The following SLC25A12 variants were observed in gnomAD, a reference collection of about 807,000 sequenced individuals.
SLC25A12 encodes electrogenic aspartate/glutamate antiporter SLC25A12, mitochondrial.
A neutral mutation model predicts 83.3 loss-of-function variants in SLC25A12; 32 were observed. The observed-to-expected ratio is 0.38, with a 90% CI of 0.29 to 0.52. The LOEUF (loss-of-function observed/expected upper bound fraction) is 0.52, where lower values mean the gene tolerates loss of function less well. Among genes scored for constraint, SLC25A12 ranks in the 20% least tolerant of loss-of-function variants. The probability of loss-of-function intolerance (pLI) is 0.84; values close to 1 mark genes in which losing one functional copy is unlikely to be tolerated. For missense variants in SLC25A12, 611 were observed against 835.6 expected (o/e 0.73, Z 3.31); for synonymous variants, 267 against 291.1 (o/e 0.92, Z 0.84).
At chr2:171,814,425 T>A (rs910711020) in intron 10 of SLC25A12, among the ~76,000 whole-genome samples, 1 of 151,562 alleles carries the variant, frequency 6.6e-6, no homozygotes, top group Non-Finnish European at 1.5e-5. Context: ...CAAAACTGGG[T>A]CACTTTGAGA....
intron 13 of SLC25A12, among the ~76,000 whole-genome samples, chr2:171,804,582 G>A (rs1028857266): frequency 6.6e-6 from 1 of 152,122 alleles, no homozygotes; most frequent in African/African-American, 2.4e-5. Flanking sequence ...AAAATATTCA[G>A]AATTGGTGAA....
chr2:171,838,864 T>C (rs562343971), intron 5 of SLC25A12, among the ~76,000 whole-genome samples: 81 of 152,282 alleles, frequency 5.3e-4, no homozygotes, highest in Middle Eastern at 3.4e-3. Flanking sequence ...GTGGTAATTA[T>C]TGAAGCTGGT....
At chr2:171,822,828 A>G (rs1394392842) in intron 9 of SLC25A12, among the ~76,000 whole-genome samples, 3 of 152,218 alleles carry the variant, frequency 2.0e-5, no homozygotes, top group Non-Finnish European at 4.4e-5. Context: ...TTTCATAACA[A>G]CTTTCATAAG....
intron 15 of SLC25A12, chr2:171,788,300 A>G: frequency 4.3e-6 from 1 of 235,098 alleles, no homozygotes; most frequent in Non-Finnish European, 8.5e-6. Flanking sequence ...TAAATAAGAT[A>G]CAAGTATTTT....
chr2:171,785,259 T>A lies in SLC25A12; in HGVS notation c.*15A>T. 6.2e-7 allele frequency: 1 copy of A among 1,613,812 alleles called. No homozygotes were observed. Among genetic ancestry groups the A allele is most frequent in the African/African-American group, 1.3e-5 (1 of 75,054 alleles). ...TCTTCAAGGCGCCATTTTGCCACAC[T>A]CAACAGTTGTCTCATCACTGAGTGG... On this transcript the variant is annotated 3_prime_UTR_variant, in exon 18 of 18. Coordinates refer to ENST00000422440, the MANE Select transcript of SLC25A12 (RefSeq NM_003705.5).
At chr2:171,791,299 C>T in intron 15 of SLC25A12, 152 bp downstream of exon 15, 6 of 734,964 alleles carry the variant, frequency 8.2e-6, no homozygotes, top group Admixed American at 4.3e-5. Flanking sequence ...ATCAGAATTA[C>T]AGCACATCCC....
rs775466306 is a variant in SLC25A12 at position 171,787,848 on chromosome 2, T to A, written c.1685A>T (p.Asp562Val). 3 of 1,614,182 alleles carry A rather than the reference T, an allele frequency of 1.9e-6. No individual in the cohort carries two copies. The highest frequency in any genetic ancestry group is 2.5e-6 in the Non-Finnish European group (3 of 1,180,034). The change falls in exon 16 of 18, where the codon GAC becomes GTC. Residue 562 changes from aspartate to valine, a missense_variant. Coordinates refer to ENST00000422440, the MANE Select transcript of SLC25A12 (RefSeq NM_003705.5). ...TTCCCGGAGAATCTTCCTGAAACAG[T>A]CGATGACACCACTGTATGTCGTCTG... is the stretch of plus-strand genomic sequence containing the variant. ...AGQTTYSGVI[D>V]CFRKILREEG...
Position 171,831,055 on chromosome 2 carries a change from G to A in SLC25A12, c.845+2908C>T, listed in dbSNP as rs143544416. ...CATCAGTGACTGAGCAGCGAGCTGC[G>A]TAGCCTAGCTCTATGTGAACGTGAA... On this transcript the variant is annotated intron_variant, in intron 8 of 17. Coordinates refer to ENST00000422440, the MANE Select transcript of SLC25A12 (RefSeq NM_003705.5). 1.7e-4 allele frequency among the ~76,000 whole-genome samples: 26 copies of A among 152,360 alleles called. No individual in the cohort carries two copies. In the East Asian group the frequency reaches 2.3e-3, roughly 14 times the overall value.
chr2:171,832,222 A>G (rs1038725858), intron 8 of SLC25A12, among the ~76,000 whole-genome samples: 11 of 152,086 alleles, frequency 7.2e-5, no homozygotes, highest in African/African-American at 2.7e-4. Context: ...TGAGACATCT[A>G]GTTGTCTTTT....
intron 13 of SLC25A12, among the ~76,000 whole-genome samples, chr2:171,801,098 A>G (rs1477358667): frequency 1.3e-5 from 2 of 152,216 alleles, no homozygotes; most frequent in Non-Finnish European, 2.9e-5. Flanking sequence ...ATTATACCTA[A>G]AAAACCAAAT....
chr2:171,867,453 A>G (rs1170778404), intron 3 of SLC25A12, among the ~76,000 whole-genome samples: 1 of 152,194 alleles, frequency 6.6e-6, no homozygotes, highest in Non-Finnish European at 1.5e-5. Flanking sequence ...CAACACAGCG[A>G]AACCCCGTCT....
At chr2:171,786,780 A>C (rs1336242960) in intron 17 of SLC25A12, among the ~76,000 whole-genome samples, 3 of 152,204 alleles carry the variant, frequency 2.0e-5, no homozygotes, top group African/African-American at 7.2e-5. Flanking sequence ...CCATGGGCAA[A>C]ATCTCTCTTC....
chr2:171,859,175 C>CACT (rs1466242631), intron 3 of SLC25A12, among the ~76,000 whole-genome samples: 2 of 151,994 alleles, frequency 1.3e-5, no homozygotes, highest in African/African-American at 4.8e-5. Context: ...GTAAGTAGAC[C>CACT]ACTATTATAA....
chr2:171,839,115 G>A (rs933141101), intron 5 of SLC25A12, among the ~76,000 whole-genome samples: 3 of 152,206 alleles, frequency 2.0e-5, no homozygotes, highest in African/African-American at 7.2e-5. Flanking sequence ...GAGAAAGAGA[G>A]AAAGTAATCT....
At chr2:171,852,358 A>C (rs548773949) in intron 4 of SLC25A12, among the ~76,000 whole-genome samples, 1 of 152,300 alleles carries the variant, frequency 6.6e-6, no homozygotes, top group Admixed American at 6.5e-5. Flanking sequence ...ATCATATCTA[A>C]AAAAAGCATA....
intron 7 of SLC25A12, chr2:171,834,397 C>T (rs1684511602): frequency 2.2e-6 from 1 of 446,316 alleles, no homozygotes; most frequent in East Asian, 4.5e-5. Flanking sequence ...TCAAAACATC[C>T]TAATACCACT....
At chr2:171,870,125 G>C (rs1271485342) in intron 2 of SLC25A12, among the ~76,000 whole-genome samples, 1 of 152,116 alleles carries the variant, frequency 6.6e-6, no homozygotes, top group African/African-American at 2.4e-5. Context: ...CTGGCTTATA[G>C]TAGGCACTCA....
At chr2:171,875,979 G>A (rs1208599783) in intron 2 of SLC25A12, among the ~76,000 whole-genome samples, 1 of 147,372 alleles carries the variant, frequency 6.8e-6, no homozygotes, top group Non-Finnish European at 1.5e-5. Context: ...AATTTTTAAA[G>A]TATACTGTAT....
At chr2:171,864,857 A>AT (rs1685251204) in intron 3 of SLC25A12, among the ~76,000 whole-genome samples, 1 of 152,048 alleles carries the variant, frequency 6.6e-6, no homozygotes, top group Non-Finnish European at 1.5e-5. Flanking sequence ...TTGTTTAGTC[A>AT]TTTTCTTTCT....
Sources: allele counts gnomAD v4.1 joint callset (sites outside exome capture counted in the v4.1 genomes callset), GRCh38; gene constraint gnomAD v4.1.1; transcripts MANE v1.5; gene names NCBI Gene and HGNC (gene_info 2026-07-23, HGNC 2026-07-21).